Variants in REV3L observed in about 807,000 individuals in gnomAD.
REV3L encodes the protein DNA polymerase zeta catalytic subunit.
In REV3L, 69 loss-of-function variants were observed where a neutral mutation model predicts 299.4. The ratio of observed to expected loss-of-function variants is 0.23; its 90% CI spans 0.19 to 0.28. The LOEUF is 0.28. Ranked by LOEUF, REV3L falls within the 10% of genes least tolerant of loss-of-function variation. REV3L has a pLI of 1.00. For missense variants in REV3L, 3,128 were observed against 3,693.8 expected (o/e 0.85, Z 3.97); for synonymous variants, 1,238 against 1,271.4 (o/e 0.97, Z 0.56).
intron 1 of REV3L, among the ~76,000 whole-genome samples, chr6:111,450,218 C>T (rs1418290744): frequency 1.3e-5 from 2 of 152,120 alleles, no homozygotes; most frequent in Non-Finnish European, 2.9e-5. Flanking sequence ...GTGGCTCATG[C>T]CTGTAATCCC....
intron 19 of REV3L, among the ~76,000 whole-genome samples, chr6:111,350,837 CCT>C (rs1777510110): frequency 6.6e-6 from 1 of 151,838 alleles, no homozygotes. Flanking sequence ...AAGCCTCCCA[CCT>C]TGGCCTCCCA....
At chr6:111,433,857 G>C (rs1031985771) in intron 1 of REV3L, among the ~76,000 whole-genome samples, 1 of 152,100 alleles carries the variant, frequency 6.6e-6, no homozygotes, top group Admixed American at 6.5e-5. Flanking sequence ...CATTCACCAC[G>C]ATCAAGTGGA....
chr6:111,459,443 G>T (rs190981773), intron 1 of REV3L, among the ~76,000 whole-genome samples: 1 of 151,860 alleles, frequency 6.6e-6, no homozygotes, highest in Non-Finnish European at 1.5e-5. Context: ...GGACCTAAGA[G>T]CTTCTATACA....
chr6:111,438,063 TGC>T (rs1787812299), intron 1 of REV3L, among the ~76,000 whole-genome samples: 1 of 151,714 alleles, frequency 6.6e-6, no homozygotes, highest in East Asian at 1.9e-4. Context: ...TCTCGCTAAG[TGC>T]TTAGACTGGT....
intron 25 of REV3L, among the ~76,000 whole-genome samples, chr6:111,325,158 G>A (rs753515055): frequency 6.6e-6 from 1 of 152,166 alleles, no homozygotes; most frequent in Non-Finnish European, 1.5e-5. Context: ...ACTGCACCTG[G>A]CCTCAAAAGT....
At chr6:111,450,465 C>G (rs1297629453) in intron 1 of REV3L, among the ~76,000 whole-genome samples, 2 of 100,340 alleles carry the variant, frequency 2.0e-5, no homozygotes, top group African/African-American at 7.9e-5. Context: ...GGTGACAGAG[C>G]AAGACCCTGT....
At chr6:111,381,729 A>C (rs1242539743) in intron 9 of REV3L, among the ~76,000 whole-genome samples, 2 of 152,226 alleles carry the variant, frequency 1.3e-5, no homozygotes, top group East Asian at 3.8e-4. Context: ...AAATCACTGC[A>C]TATTCAAATA....
At chr6:111,388,760 G>A (rs912593394) in intron 7 of REV3L, among the ~76,000 whole-genome samples, 10 of 152,162 alleles carry the variant, frequency 6.6e-5, no homozygotes, top group South Asian at 2.1e-4. Flanking sequence ...GTGTTTCTAA[G>A]TTGAGATTCA....
At chr6:111,417,661 G>A (rs1784913190) in intron 1 of REV3L, among the ~76,000 whole-genome samples, 1 of 152,110 alleles carries the variant, frequency 6.6e-6, no homozygotes, top group Admixed American at 6.5e-5. Flanking sequence ...ATAGAAAGTA[G>A]TTCTACACTG....
intron 9 of REV3L, among the ~76,000 whole-genome samples, chr6:111,385,335 C>A (rs1158007939): frequency 6.6e-6 from 1 of 151,722 alleles, no homozygotes. Context: ...ACATTGTATG[C>A]CTGTATAAAA....
At chr6:111,482,662 G>T in intron 1 of REV3L, 88 bp downstream of exon 1, 1 of 828,504 alleles carries the variant, frequency 1.2e-6, no homozygotes, top group Non-Finnish European at 1.5e-6. Flanking sequence ...GGCCGGCGCC[G>T]GTGGCGTGTG....
intron 1 of REV3L, among the ~76,000 whole-genome samples, chr6:111,478,397 A>G (rs1027466047): frequency 6.6e-6 from 1 of 152,216 alleles, no homozygotes; most frequent in African/African-American, 2.4e-5. Context: ...CTACTTTAAA[A>G]AAAGTGACCA....
At chr6:111,380,260 T>A in intron 10 of REV3L, 41 bp from the exon 11 acceptor site, 1 of 554,224 alleles carries the variant, frequency 1.8e-6, no homozygotes, top group Non-Finnish European at 2.6e-6. Context: ...ATAAGTTTTC[T>A]TTTTTTTTTT....
intron 21 of REV3L, among the ~76,000 whole-genome samples, chr6:111,341,820 A>G (rs1220256827): frequency 6.6e-6 from 1 of 152,108 alleles, no homozygotes. Flanking sequence ...CCCGAAAACG[A>G]ACAGGATGAA....
chr6:111,363,943 TTC>T lies in REV3L; in HGVS notation c.6787_6788del (p.Glu2263AsnfsTer5). Reference protein sequence around the residue: ...QFAAVNTPQKETSQIDGPSLN... With the variant: ...QFAAVNTPQKXTSQIDGPSLN... Reference sequence around the variant, plus strand: ...AAGATGGTCCATCAATCTGAGAAGTTTCTTTCTGTGGGGTATTTACTGCTGCA... The same window carrying T: ...AAGATGGTCCATCAATCTGAGAAGTTTTTCTGTGGGGTATTTACTGCTGCA... On this transcript the variant is annotated frameshift_variant, in exon 16 of 32. Transcript: ENST00000368802. LOFTEE classifies it high-confidence loss of function. The T allele has an allele frequency of 6.2e-7, 1 of 1,613,422 alleles. No homozygotes were observed. The highest frequency in any genetic ancestry group is 8.5e-7 in the Non-Finnish European group (1 of 1,179,696).
chr6:111,449,373 CTAG>C (rs1223304011), intron 1 of REV3L, among the ~76,000 whole-genome samples: 2 of 147,652 alleles, frequency 1.4e-5, no homozygotes, highest in African/African-American at 2.4e-5. Context: ...TAGAATTTGC[CTAG>C]TAGAATACCG....
At chr6:111,388,301 G>T (rs927836126) in intron 7 of REV3L, among the ~76,000 whole-genome samples, 1 of 152,024 alleles carries the variant, frequency 6.6e-6, no homozygotes, top group Non-Finnish European at 1.5e-5. Flanking sequence ...TCAAGATTAA[G>T]TTCTATAATT....
Position 111,483,170 on chromosome 6 carries a change from G to T in REV3L, c.-282C>A, listed in dbSNP as rs1326116812. On this transcript the variant is annotated 5_prime_UTR_variant, in exon 1 of 32. Coordinates refer to ENST00000368802, the MANE Select transcript of REV3L (RefSeq NM_001372078.1). ...GCCGCCACCGCCGGGAATCACACGG[G>T]CTCCTCGGTCCCAGGCTGCAGCTCT... 4.1e-6 allele frequency: 2 copies of T among 490,108 alleles called. No homozygotes were observed. The highest frequency in any genetic ancestry group is 7.1e-5 in the South Asian group (2 of 28,058). The allele number at this position is 490,108 out of a possible 1,614,324, so 30.4% of individuals were successfully genotyped here. A position where few individuals can be genotyped will look rare whatever the true frequency, so the allele number is the denominator to read the frequency against.
At chr6:111,344,377 TA>T (rs1431793849) in intron 20 of REV3L, among the ~76,000 whole-genome samples, 1 of 152,110 alleles carries the variant, frequency 6.6e-6, no homozygotes, top group Non-Finnish European at 1.5e-5. Context: ...TCAAGCAAAT[TA>T]ATTTTTTGTT....
Sources: gnomAD v4.1 joint callset for allele counts (sites outside exome capture counted in the v4.1 genomes callset) on GRCh38, gnomAD v4.1.1 for gene constraint, MANE v1.5 for transcripts, NCBI Gene and HGNC (gene_info 2026-07-23, HGNC 2026-07-21) for gene names.